Variants in FBXL5 observed in about 807,000 individuals in gnomAD.
FBXL5 encodes the protein F-box/LRR-repeat protein 5.
A neutral mutation model predicts 78.3 loss-of-function variants in FBXL5; 26 were observed. The observed-to-expected ratio is 0.33, with a 90% confidence interval of 0.24 to 0.46. The LOEUF (loss-of-function observed/expected upper bound fraction) is 0.46. Among genes scored for constraint, FBXL5 ranks in the 20% least tolerant of loss-of-function variants. The probability of loss-of-function intolerance (pLI) is 1.00; values close to 1 mark genes in which losing one functional copy is unlikely to be tolerated. For synonymous variants in FBXL5, 295 were observed against 282.5 expected (o/e 1.04, Z -0.45); for missense variants, 710 against 829.2 (o/e 0.86, Z 1.77).
intron 1 of FBXL5, among the ~76,000 whole-genome samples, chr4:15,677,896 G>A (rs1718054006): frequency 6.6e-6 from 1 of 151,400 alleles, no homozygotes; most frequent in Non-Finnish European, 1.5e-5. Context: ...CTTGTGGCTG[G>A]CATCTGAAAT....
intron 1 of FBXL5, among the ~76,000 whole-genome samples, chr4:15,679,166 G>C (rs1718106232): frequency 6.7e-6 from 1 of 150,332 alleles, no homozygotes; most frequent in East Asian, 2.0e-4. Context: ...GGGTTCAAGC[G>C]ATTCTCCTGC....
chr4:15,626,127 T>C (rs902386439), intron 8 of FBXL5, 150 bp from the exon 9 acceptor site: 1 of 756,664 alleles, frequency 1.3e-6, no homozygotes, highest in African/African-American at 1.8e-5. Context: ...TAAGGTACTA[T>C]TCTTGATGCT....
intron 5 of FBXL5, among the ~76,000 whole-genome samples, chr4:15,634,209 A>G (rs1170642220): frequency 2.6e-5 from 4 of 152,040 alleles, no homozygotes. Flanking sequence ...TTTAAGACAG[A>G]GTCTTCCCTC....
rs1391291123 is a variant in FBXL5 at position 15,607,345 on chromosome 4, T to G, written c.2000-1546A>C. 2.6e-5 allele frequency among the ~76,000 whole-genome samples: 4 copies of G among 152,292 alleles called. No homozygotes were observed. The East Asian group carries it at 7.7e-4, about 29-fold the overall frequency. On this transcript the variant is annotated intron_variant, in intron 10 of 10. Coordinates refer to ENST00000341285, the MANE Select transcript of FBXL5 (RefSeq NM_012161.4). ...TTGAATTACTAAAGCCAATTTTTAT[T>G]TAATCAAAATAACAATCTTTTCTGG... is the stretch of plus-strand genomic sequence containing the variant.
At chr4:15,636,305 T>C in intron 5 of FBXL5, 189 bp downstream of exon 5, 3 of 457,990 alleles carry the variant, frequency 6.6e-6, no homozygotes, top group Non-Finnish European at 1.1e-5. Flanking sequence ...ACAGACATCA[T>C]TATAATTTAC....
At chr4:15,638,832 C>CT (rs1293877382) in intron 3 of FBXL5, 138 bp from the exon 4 acceptor site, 1 of 577,234 alleles carries the variant, frequency 1.7e-6, no homozygotes, top group Non-Finnish European at 2.9e-6. Context: ...GCTGTCACCA[C>CT]TGAGTTAGTT....
chr4:15,644,355 C>T (rs540300785), intron 2 of FBXL5, 138 bp downstream of exon 2: 1 of 696,740 alleles, frequency 1.4e-6, no homozygotes, highest in South Asian at 1.9e-5. Flanking sequence ...AATAGTCTTC[C>T]TTGCCATCTT....
At chr4:15,636,700 A>G in intron 4 of FBXL5, 24 bp from the exon 5 acceptor site, 1 of 1,516,758 alleles carries the variant, frequency 6.6e-7, no homozygotes, top group Non-Finnish European at 8.9e-7. Context: ...GAAAAACTTT[A>G]CCAGTAAAGG....
chr4:15,641,732 G>A, intron 2 of FBXL5: 1 of 393,908 alleles, frequency 2.5e-6, no homozygotes, highest in South Asian at 1.9e-5. Context: ...AACTGTACCT[G>A]TTAACATTAT....
At chr4:15,680,791 G>A (rs946911644) in intron 1 of FBXL5, among the ~76,000 whole-genome samples, 1 of 151,734 alleles carries the variant, frequency 6.6e-6, no homozygotes, top group Non-Finnish European at 1.5e-5. Flanking sequence ...GTCGCATTAA[G>A]TTTCAGAGTT....
intron 7 of FBXL5, 150 bp from the exon 8 acceptor site, chr4:15,627,105 T>A: frequency 2.2e-6 from 1 of 454,474 alleles, no homozygotes; most frequent in Non-Finnish European, 4.0e-6. Context: ...TAATAAAATA[T>A]TCTGGGCTCA....
intron 1 of FBXL5, among the ~76,000 whole-genome samples, chr4:15,677,829 A>T (rs971424407): frequency 6.6e-6 from 1 of 152,204 alleles, no homozygotes; most frequent in Non-Finnish European, 1.5e-5. Context: ...GGTCATGGGA[A>T]TGCCCAAATA....
At chr4:15,629,633 A>T (rs1713421235) in intron 6 of FBXL5, among the ~76,000 whole-genome samples, 1 of 152,076 alleles carries the variant, frequency 6.6e-6, no homozygotes, top group African/African-American at 2.4e-5. Flanking sequence ...TTCATACCTA[A>T]AACAATGCCT....
At chr4:15,667,871 G>T (rs181316903) in intron 1 of FBXL5, among the ~76,000 whole-genome samples, 1 of 151,886 alleles carries the variant, frequency 6.6e-6, no homozygotes, top group Non-Finnish European at 1.5e-5. Flanking sequence ...GAGAAACCCC[G>T]TCTCTAATAA....
At chr4:15,645,834 AAAATT>A (rs1250938553) in intron 1 of FBXL5, among the ~76,000 whole-genome samples, 4 of 152,328 alleles carry the variant, frequency 2.6e-5, no homozygotes, top group Non-Finnish European at 5.9e-5. Flanking sequence ...TATCATTTTG[AAAATT>A]AAATATTCAT....
intron 6 of FBXL5, among the ~76,000 whole-genome samples, chr4:15,629,155 T>C (rs1713373274): frequency 6.6e-6 from 1 of 152,136 alleles, no homozygotes; most frequent in African/African-American, 2.4e-5. Flanking sequence ...GTTTAGTCTT[T>C]AATAATCAAC....
chr4:15,662,753 C>T (rs1717372036), upstream of FBXL5, among the ~76,000 whole-genome samples: 1 of 152,154 alleles, frequency 6.6e-6, no homozygotes, highest in Non-Finnish European at 1.5e-5. Flanking sequence ...TCCTAGGTAG[C>T]TGATACTATA....
intron 4 of FBXL5, 95 bp downstream of exon 4, chr4:15,638,413 T>C: frequency 1.2e-6 from 1 of 867,296 alleles, no homozygotes; most frequent in Non-Finnish European, 1.7e-6. Flanking sequence ...CAGGCCTAAC[T>C]TGAATTATTC....
intron 1 of FBXL5, among the ~76,000 whole-genome samples, chr4:15,671,365 C>A (rs1322031460): frequency 6.6e-6 from 1 of 152,102 alleles, no homozygotes; most frequent in Non-Finnish European, 1.5e-5. Context: ...GAAAACAGTA[C>A]CTTTTTGCCC....
Sources: gnomAD v4.1 joint callset for allele counts (sites outside exome capture counted in the v4.1 genomes callset) on GRCh38, gnomAD v4.1.1 for gene constraint, MANE v1.5 for transcripts, NCBI Gene and HGNC (gene_info 2026-07-23, HGNC 2026-07-21) for gene names.